Variants in PPP1R13L observed in about 807,000 individuals in gnomAD.
PPP1R13L encodes the protein relA-associated inhibitor.
In PPP1R13L, 50 loss-of-function variants were observed where a neutral mutation model predicts 80.9. The observed-to-expected ratio is 0.62, with a 90% CI of 0.49 to 0.78. The LOEUF is 0.78. Among genes scored for constraint, PPP1R13L ranks in the 30% least tolerant of loss-of-function variants. The pLI, the probability that PPP1R13L is intolerant of heterozygous loss-of-function variation, is 0.00. For missense variants in PPP1R13L, 1,200 were observed against 1,205.9 expected, an observed-to-expected ratio of 1.00 and a Z score of 0.07; for synonymous variants, 602 against 534.3, an observed-to-expected ratio of 1.13 and a Z score of -1.75.
intron 1 of PPP1R13L, among the ~76,000 whole-genome samples, chr19:45,402,942 C>T (rs12982294): frequency 0.15 from 22,848 of 152,178 alleles, 2,357 homozygotes; most frequent in Non-Finnish European, 0.22. Context: ...AGGCTGGACT[C>T]CTACAGCCCT....
Position 45,395,780 on chromosome 19 carries a change from C to T in PPP1R13L, c.1010G>A (p.Gly337Glu). 2 of 1,565,406 alleles carry T rather than the reference C, an allele frequency of 1.3e-6. No homozygotes were observed. Among genetic ancestry groups the T allele is most frequent in the South Asian group, 2.3e-5 (2 of 85,886 alleles). ...GSYRRSLGSAGPSGTLPRSWQ... is the reference protein window; with the variant it reads ...GSYRRSLGSAEPSGTLPRSWQ... ...GCTGCGAGGCAAAGTGCCCGACGGC[C>T]CCGCGGAGCCCAGCGAGCGCCGGTA... The change falls in exon 7 of 13, where the codon GGG becomes GAG. Residue 337 changes from glycine (G) to glutamate (E), a missense_variant. Physicochemically the swap from Gly to Glu is moderately conservative, Grantham distance 98. Coordinates refer to ENST00000360957, the MANE Select transcript of PPP1R13L (RefSeq NM_006663.4).
chr19:45,380,243 G>A lies in PPP1R13L; in HGVS notation c.2449-15C>T. ...CTGGGGAACAGCTGGGGAGAGACAGGATCTTCAGACATCAGGAGCTCCCAC... is the reference window on the plus strand; with the variant it reads ...CTGGGGAACAGCTGGGGAGAGACAGAATCTTCAGACATCAGGAGCTCCCAC... On this transcript the variant is annotated splice_polypyrimidine_tract_variant and intron_variant, in intron 12 of 12. Transcript: ENST00000360957. 1 of 1,613,936 alleles carries A rather than the reference G, an allele frequency of 6.2e-7. No homozygotes were observed. The highest frequency in any genetic ancestry group is 8.5e-7 in the Non-Finnish European group (1 of 1,179,930).
At chr19:45,400,760 ATTTTT>A (rs887299061) in intron 1 of PPP1R13L, among the ~76,000 whole-genome samples, 2 of 25,966 alleles carry the variant, frequency 7.7e-5, no homozygotes, top group Non-Finnish European at 1.2e-4. Flanking sequence ...CACCCAGCTA[ATTTTT>A]TTTTTTTTTT....
Position 45,392,006 on chromosome 19 carries a change from C to A in PPP1R13L, c.1689G>T (p.Glu563Asp). The A allele has an allele frequency of 6.5e-7, 1 of 1,538,978 alleles. No individual in the cohort carries two copies. Residue 563 changes from glutamate to aspartate, a missense_variant, in exon 8 of 13, where the codon GAG (glutamate) becomes GAT (aspartate). Transcript: ENST00000360957. ...CCTCAGTGATGGGGGACAGCTCTGG[C>A]TCCGGCCCCCCGGGCCCTGGCCCCC... ...RHGGPGPGGP[E>D]PELSPITEGS...
intron 12 of PPP1R13L, among the ~76,000 whole-genome samples, chr19:45,381,215 C>T (rs1157963286): frequency 2.0e-5 from 3 of 151,220 alleles, no homozygotes; most frequent in Admixed American, 6.6e-5. Context: ...CCACCACACC[C>T]GGCTAACTTT....
Position 45,386,126 on chromosome 19 carries a change from G to T in PPP1R13L, c.1870C>A (p.Arg624Ser). Reference sequence around the variant, plus strand: ...AGGAGGAGCACCAGAGGGTTGAGGCGCGCGCGGCGGGCCTTGCGCGGGGAG... The same window carrying T: ...AGGAGGAGCACCAGAGGGTTGAGGCTCGCGCGGCGGGCCTTGCGCGGGGAG... Reference protein sequence around the residue: ...AGSPRKARRARLNPLVLLLDA... With the variant: ...AGSPRKARRASLNPLVLLLDA... Residue 624 changes from arginine to serine, a missense_variant, in exon 9 of 13, where the codon CGC becomes AGC. This residue lies in a region of PPP1R13L where 214 missense variants were observed against 199.6 expected (regional missense o/e 1.07). Transcript: ENST00000360957. 6.5e-7 allele frequency: 1 copy of T among 1,548,850 alleles called. No homozygotes were observed.
At chr19:45,389,871 C>T (rs1208713793) in intron 8 of PPP1R13L, among the ~76,000 whole-genome samples, 1 of 151,926 alleles carries the variant, frequency 6.6e-6, no homozygotes, top group Non-Finnish European at 1.5e-5. Context: ...TCTCAGCTCA[C>T]CACAAGCTCC....
Position 45,396,931 on chromosome 19 carries a change from T to G in PPP1R13L, c.326A>C (p.Tyr109Ser). 6.8e-7 allele frequency: 1 copy of G among 1,470,768 alleles called. No homozygotes were observed. Among genetic ancestry groups the G allele is most frequent in the South Asian group, 1.4e-5 (1 of 71,588 alleles). The allele number at this position is 1,470,768 out of a possible 1,614,324, so 91.1% of individuals were successfully genotyped here. A position where few individuals can be genotyped will look rare whatever the true frequency, so the allele number is the denominator to read the frequency against. Residue 109 changes from tyrosine (Y) to serine (S), a missense_variant, in exon 4 of 13, where the codon TAC becomes TCC. Physicochemically the swap from Tyr to Ser is moderately radical, Grantham distance 144 (BLOSUM62 -2). Transcript: ENST00000360957. This position sits in a 1 kb window ranked among gnomAD's most constrained non-coding sequence, Gnocchi z 5.3. ...CCGTCCCTTGGGGGACAGCGGGCTG[T>G]AGGGGTGTAGGGTTGGGGCACTCTC... ...RSESAPTLHP[Y>S]SPLSPKGRPS...
Position 45,385,812 on chromosome 19 carries a change from G to A in PPP1R13L, c.2081+12C>T, listed in dbSNP as rs1022901509. 1.9e-6 allele frequency: 3 copies of A among 1,610,230 alleles called. No individual in the cohort carries two copies. Among genetic ancestry groups the A allele is most frequent in the African/African-American group, 2.7e-5 (2 of 75,026 alleles). On this transcript the variant is annotated intron_variant, in intron 10 of 12. Coordinates refer to ENST00000360957, the MANE Select transcript of PPP1R13L (RefSeq NM_006663.4). ...ACGGGGGACCCAGCCCACCGCGCGG[G>A]TCGGGGCTCACCAGCCGTGGCTGTC...
Position 45,382,571 on chromosome 19 carries a change from CG to C in PPP1R13L, c.2403del (p.Ala802ArgfsTer20), listed in dbSNP as rs1873749605. On this transcript the variant is annotated frameshift_variant, in exon 12 of 13. Transcript: ENST00000360957. LOFTEE classifies it high-confidence loss of function. Reference protein sequence around the residue: ...DGPEETDWWWAALHGQEGYVP... With the variant: ...DGPEETDWWWXALHGQEGYVP... The stretch of plus-strand genomic sequence containing the variant: ...ACGTAGCCCTCCTGGCCGTGCAGCG[CG>C]GCCCACCACCAGTCGGTCTCCTCCG... 1 of 1,613,342 alleles carries C rather than the reference CG, an allele frequency of 6.2e-7. No homozygotes were observed. Among genetic ancestry groups the C allele is most frequent in the Non-Finnish European group, 8.5e-7 (1 of 1,179,924 alleles).
intron 7 of PPP1R13L, 167 bp from the exon 8 acceptor site, chr19:45,392,507 A>T: frequency 1.3e-6 from 1 of 745,288 alleles, no homozygotes; most frequent in Non-Finnish European, 2.3e-6. Context: ...ATAATATACA[A>T]TTATGATGCC....
At chr19:45,397,374 CTT>C (rs1360528348) in intron 3 of PPP1R13L, among the ~76,000 whole-genome samples, 1 of 151,156 alleles carries the variant, frequency 6.6e-6, no homozygotes, top group African/African-American at 2.4e-5. Flanking sequence ...CTTTCTCTCT[CTT>C]TCTTTTCTTT....
rs780934378 is a variant in PPP1R13L at position 45,396,263 on chromosome 19, C to A, written c.812-4G>T. ...GGCCTTGCGAAGACGTCCAGGCCTG[C>A]GGGGCGGGAATCATTAGGGTCTGTG... is the stretch of plus-strand genomic sequence containing the variant. On this transcript the variant is annotated splice_polypyrimidine_tract_variant and splice_region_variant and intron_variant, in intron 5 of 12. Transcript: ENST00000360957. This position sits in a 1 kb window ranked among gnomAD's most constrained non-coding sequence, Gnocchi z 5.3. 3 of 1,611,988 alleles carry A rather than the reference C, an allele frequency of 1.9e-6. No homozygotes were observed. Among genetic ancestry groups the A allele is most frequent in the Admixed American group, 1.7e-5 (1 of 59,902 alleles).
rs1044928405 is a variant in PPP1R13L, at chr19:45,386,784, C to A, written c.1816-604G>T. ...CTGAGTAGCTAGGATTACAGGCATG[C>A]GCCACTATGCCTGGCTAATTTTCAT... On this transcript the variant is annotated intron_variant, in intron 8 of 12. Coordinates refer to ENST00000360957, the MANE Select transcript of PPP1R13L (RefSeq NM_006663.4). Among the ~76,000 whole-genome samples, 7 of 151,508 alleles carry A rather than the reference C, an allele frequency of 4.6e-5. No homozygotes were observed. The East Asian group carries it at 9.9e-4, about 21-fold the overall frequency.
At chr19:45,404,081 C>T (rs1033951888) in intron 1 of PPP1R13L, among the ~76,000 whole-genome samples, 1 of 152,090 alleles carries the variant, frequency 6.6e-6, no homozygotes, top group Non-Finnish European at 1.5e-5. Flanking sequence ...AATCCCGTCC[C>T]CCAGAGAGCT....
At position 45,382,526 on chromosome 19, in the gene PPP1R13L, C is replaced by G. The variant is rs111346727; in HGVS notation, c.2448+1G>C. 1 of 1,612,360 alleles carries G rather than the reference C, an allele frequency of 6.2e-7. No individual in the cohort carries two copies. The stretch of plus-strand genomic sequence containing the variant: ...CCCCATGACTTCTCCCCTGGGCTCA[C>G]CCCGAAGTAGTTCCGCGGCACGTAG... On this transcript the variant is annotated splice_donor_variant, in intron 12 of 12. Transcript: ENST00000360957. LOFTEE classifies it high-confidence loss of function.
At position 45,392,347 on chromosome 19, in the gene PPP1R13L, G is replaced by A. The variant is rs780662509; in HGVS notation, c.1355-7C>T. The A allele has an allele frequency of 1.3e-5, 21 of 1,612,770 alleles. No homozygotes were observed. Among genetic ancestry groups the A allele is most frequent in the Middle Eastern group, 3.3e-4 (2 of 6,084 alleles). On this transcript the variant is annotated splice_region_variant and splice_polypyrimidine_tract_variant and intron_variant, in intron 7 of 12. Transcript: ENST00000360957. Reference sequence around the variant, plus strand: ...GTGGGGGGTTTGGGGGGTCCTAGCCGGAACAAGAGCCCATCAGAGGACAGG... The same window carrying A: ...GTGGGGGGTTTGGGGGGTCCTAGCCAGAACAAGAGCCCATCAGAGGACAGG...
At chr19:45,390,999 A>G (rs532038624) in intron 8 of PPP1R13L, among the ~76,000 whole-genome samples, 1 of 152,080 alleles carries the variant, frequency 6.6e-6, no homozygotes, top group East Asian at 1.9e-4. Flanking sequence ...GGAGTTTGAG[A>G]CCAGCCTGGC....
chr19:45,396,562 G>T lies in PPP1R13L; in HGVS notation c.695C>A (p.Pro232Gln), dbSNP rs776574549. ...LLGSGGSAFA[P>Q]PLRAQDDLTL... Reference sequence around the variant, plus strand: ...GGGTTCACCTTGCGCGCGCAGAGGCGGGGCGAATGCGCTGCCGCCGGAGCC... The same window carrying T: ...GGGTTCACCTTGCGCGCGCAGAGGCTGGGCGAATGCGCTGCCGCCGGAGCC... Residue 232 changes from proline to glutamine, a missense_variant, in exon 4 of 13, where the codon CCG becomes CAG. This residue lies in a region of PPP1R13L where 764 missense variants were observed against 714.5 expected (regional missense o/e 1.07). Transcript: ENST00000360957. The surrounding 1 kb of genome is among the most constrained non-coding windows in gnomAD (Gnocchi z 5.3). 8 of 1,523,438 alleles carry T rather than the reference G, an allele frequency of 5.3e-6. No homozygotes were observed. In the African/African-American group the frequency reaches 6.9e-5, roughly 13 times the overall value. The allele number at this position is 1,523,438 out of a possible 1,614,324, so 94.4% of individuals were successfully genotyped here. A position where few individuals can be genotyped will look rare whatever the true frequency, so the allele number is the denominator to read the frequency against.
Sources: gnomAD v4.1 joint callset for allele counts (sites outside exome capture counted in the v4.1 genomes callset) on GRCh38, gnomAD v4.1.1 for gene constraint, gnomAD v4.1.1 regional missense constraint, Gnocchi (gnomAD v3.1) non-coding constraint, MANE v1.5 for transcripts, NCBI Gene and HGNC (gene_info 2026-07-23, HGNC 2026-07-21) for gene names.